Variants in CBL observed in about 807,000 individuals in gnomAD.
The protein encoded by CBL is Cbl proto-oncogene.
In CBL, 45 loss-of-function variants were observed where a neutral mutation model predicts 96.9. The ratio of observed to expected loss-of-function variants is 0.46; its 90% CI spans 0.37 to 0.60. The LOEUF (loss-of-function observed/expected upper bound fraction) is 0.60. Among genes scored for constraint, CBL ranks in the 20% least tolerant of loss-of-function variants. CBL has a pLI of 0.00. For synonymous variants in CBL, 420 were observed against 426.8 expected (o/e 0.98, Z 0.20); for missense variants, 1,024 against 1,143.5 (o/e 0.90, Z 1.51).
intron 2 of CBL, among the ~76,000 whole-genome samples, chr11:119,236,015 CTTT>C (rs1313460190): frequency 6.6e-6 from 1 of 151,840 alleles, no homozygotes; most frequent in Non-Finnish European, 1.5e-5. Flanking sequence ...TCTTTGTGGT[CTTT>C]TTGATTACTT....
intron 9 of CBL, among the ~76,000 whole-genome samples, chr11:119,280,623 TA>T (rs982261423): frequency 6.6e-6 from 1 of 151,986 alleles, no homozygotes; most frequent in African/African-American, 2.4e-5. Flanking sequence ...AAAGAATTGC[TA>T]AAAAAAACTT....
chr11:119,248,335 C>T (rs4938643), intron 2 of CBL, among the ~76,000 whole-genome samples: 42,021 of 152,004 alleles, frequency 0.28, 6,248 homozygotes, highest in South Asian at 0.59. Flanking sequence ...TATGGTCAAT[C>T]GATACTTTTT....
intron 1 of CBL, among the ~76,000 whole-genome samples, chr11:119,222,022 A>G (rs1949416061): frequency 1.3e-5 from 2 of 152,170 alleles, no homozygotes; most frequent in Non-Finnish European, 2.9e-5. Flanking sequence ...GGAGGTTAAT[A>G]TTCATCCTTT....
intron 1 of CBL, among the ~76,000 whole-genome samples, chr11:119,232,031 G>T (rs1592377324): frequency 6.6e-6 from 1 of 152,240 alleles, no homozygotes; most frequent in Non-Finnish European, 1.5e-5. Context: ...GAATCTGGGG[G>T]TTTGAGGCTG....
chr11:119,221,250 A>G (rs1949408532), intron 1 of CBL, among the ~76,000 whole-genome samples: 1 of 151,656 alleles, frequency 6.6e-6, no homozygotes, highest in Non-Finnish European at 1.5e-5. Context: ...CTCAGAAAAA[A>G]AAAAAAAAGT....
In CBL at chr11:119,240,029, C is replaced by T. The variant is rs184399791; in HGVS notation, c.443+7334C>T. Among the ~76,000 whole-genome samples the T allele has an allele frequency of 9.7e-4, 148 of 152,136 alleles. 4 individuals are homozygous for T. The East Asian group carries it at 0.019, about 20-fold the overall frequency. On this transcript the variant is annotated intron_variant, in intron 2 of 15. Transcript: ENST00000264033. ...TAAAGAGGCTGGGCATGGTGGCTCA[C>T]GCCTGTAATGCCAGCACTTTGGGAG...
At chr11:119,235,663 T>C (rs1398728252) in intron 2 of CBL, among the ~76,000 whole-genome samples, 2 of 151,946 alleles carry the variant, frequency 1.3e-5, no homozygotes, top group African/African-American at 4.8e-5. Context: ...GTGTGACTTA[T>C]AATGAAAAAA....
chr11:119,232,103 A>G (rs993582531), intron 1 of CBL, among the ~76,000 whole-genome samples: 1 of 152,174 alleles, frequency 6.6e-6, no homozygotes, highest in Non-Finnish European at 1.5e-5. Flanking sequence ...AAATAAATAA[A>G]TAAAAATATT....
intron 2 of CBL, among the ~76,000 whole-genome samples, chr11:119,251,030 T>A (rs1949666134): frequency 6.6e-6 from 1 of 152,208 alleles, no homozygotes; most frequent in South Asian, 2.1e-4. Context: ...GTCCTTGTAG[T>A]TCCATCTTGG....
intron 12 of CBL, among the ~76,000 whole-genome samples, chr11:119,290,375 C>T (rs553196336): frequency 6.7e-6 from 1 of 150,236 alleles, no homozygotes; most frequent in South Asian, 2.2e-4. Flanking sequence ...AGATACTTGG[C>T]TGGGCGCAGT....
intron 2 of CBL, among the ~76,000 whole-genome samples, chr11:119,235,238 C>T (rs1949534746): frequency 1.3e-5 from 2 of 151,928 alleles, no homozygotes; most frequent in South Asian, 2.1e-4. Context: ...CTCAGCCTCC[C>T]GAGTAGCTGG....
chr11:119,277,240 C>CACACACAT (rs1949896423), intron 6 of CBL, among the ~76,000 whole-genome samples: 4 of 37,544 alleles, frequency 1.1e-4, no homozygotes, highest in African/African-American at 4.5e-4. Context: ...GAATCTGTCG[C>CACACACAT]GCACACACAC....
At chr11:119,272,324 C>T (rs963906459) in intron 3 of CBL, among the ~76,000 whole-genome samples, 2 of 152,164 alleles carry the variant, frequency 1.3e-5, no homozygotes, top group African/African-American at 4.8e-5. Context: ...GGTTTCACCA[C>T]GTCAGCCAGG....
intron 1 of CBL, among the ~76,000 whole-genome samples, chr11:119,218,414 A>G (rs1273249682): frequency 6.6e-6 from 1 of 152,202 alleles, no homozygotes; most frequent in East Asian, 1.9e-4. Context: ...TCTAAAAGTG[A>G]TACTAAAACA....
chr11:119,285,460 G>C lies in CBL; in HGVS notation c.1835G>C (p.Arg612Thr). ...APSSSDPWTG[R>T]ELTNRHSLPF... ...AGTTCCAGTGATCCCTGGACAGGAA[G>C]AGAATTAACCAACCGGCACTCACTT... Residue 612 changes from arginine to threonine, a missense_variant, in exon 11 of 16, where the codon AGA becomes ACA. This residue lies in a region of CBL where 695 missense variants were observed against 661.6 expected (regional missense o/e 1.05). Coordinates refer to ENST00000264033, the MANE Select transcript of CBL (RefSeq NM_005188.4). The C allele has an allele frequency of 6.2e-7, 1 of 1,614,224 alleles. No individual in the cohort carries two copies.
At chr11:119,210,992 A>G (rs1168584104) in intron 1 of CBL, among the ~76,000 whole-genome samples, 1 of 152,220 alleles carries the variant, frequency 6.6e-6, no homozygotes, top group African/African-American at 2.4e-5. Flanking sequence ...AATTAGGCAC[A>G]GTGAGAGATT....
At position 119,305,536 on chromosome 11, in the gene CBL, C is replaced by T. The variant is rs923269171; in HGVS notation, c.*5755C>T. ...CTCTCGCTCCTTCCTGTGTGAGGGC[C>T]GCTCTGCAGTAATGTTCTCAGGCAA... is the stretch of plus-strand genomic sequence containing the variant. On this transcript the variant is annotated 3_prime_UTR_variant, in exon 16 of 16. Coordinates refer to ENST00000264033, the MANE Select transcript of CBL (RefSeq NM_005188.4). The T allele has an allele frequency of 8.7e-6, 2 of 229,086 alleles. No individual in the cohort carries two copies. Among genetic ancestry groups the T allele is most frequent in the African/African-American group, 4.4e-5 (2 of 45,082 alleles). The allele number at this position is 229,086 out of a possible 1,614,324, so 14.2% of individuals were successfully genotyped here.
rs766797364 is a variant in CBL at position 119,274,906 on chromosome 11, T to C, written c.822T>C (p.Tyr274=). The part of the protein sequence containing the change: ...THPGYMAFLT[Y]DEVKARLQKF... Reference sequence around the variant, plus strand: ...CTGGCTACATGGCTTTTTTGACGTATGACGAAGTGAAAGCTCGGCTCCAGA... The same window carrying C: ...CTGGCTACATGGCTTTTTTGACGTACGACGAAGTGAAAGCTCGGCTCCAGA... Residue 274 remains tyrosine, a synonymous_variant, in exon 5 of 16, where the codon TAT becomes TAC. Transcript: ENST00000264033. 1.2e-6 allele frequency: 2 copies of C among 1,614,032 alleles called. No individual in the cohort carries two copies. The highest frequency in any genetic ancestry group is 1.7e-6 in the Non-Finnish European group (2 of 1,179,978).
chr11:119,236,098 A>G (rs1281729859), intron 2 of CBL, among the ~76,000 whole-genome samples: 1 of 152,028 alleles, frequency 6.6e-6, no homozygotes, highest in East Asian at 1.9e-4. Flanking sequence ...TTGCCCTTTT[A>G]AAGTGTACAA....
Sources: allele counts gnomAD v4.1 joint callset (sites outside exome capture counted in the v4.1 genomes callset), GRCh38; gene constraint gnomAD v4.1.1; regional missense constraint gnomAD v4.1.1; transcripts MANE v1.5; gene names NCBI Gene and HGNC (gene_info 2026-07-23, HGNC 2026-07-21).